The following CAST variants were observed in gnomAD, a reference collection of about 807,000 sequenced individuals.
CAST encodes the protein calpastatin.
A neutral mutation model predicts 119.6 loss-of-function variants in CAST; 76 were observed. That is an observed-to-expected ratio of 0.64 (90% CI 0.53 to 0.77). CAST has a LOEUF of 0.77. Among genes scored for constraint, CAST ranks in the 30% least tolerant of loss-of-function variants. The pLI is 0.00. For missense variants in CAST, 953 were observed against 946.5 expected (o/e 1.01, Z -0.09); for synonymous variants, 319 against 331.6 (o/e 0.96, Z 0.41).
rs1773122555 is a variant in CAST at position 96,773,301 on chromosome 5, G to GA, written c.*687dup. 6.5e-6 allele frequency: 1 copy of GA among 153,388 alleles called. No homozygotes were observed. Among genetic ancestry groups the GA allele is most frequent in the African/African-American group, 2.4e-5 (1 of 41,436 alleles). The allele number at this position is 153,388 out of a possible 1,614,324, so 9.5% of individuals were successfully genotyped here. On this transcript the variant is annotated 3_prime_UTR_variant, in exon 32 of 32. Transcript: ENST00000675179. ...ACTTCTGCATCTTACAGTCAGCACA[G>GA]AACACACTGAGACTTGAATCAAGTC...
At chr5:96,475,912 G>C in the CAST span, among the ~76,000 whole-genome samples, 1 of 152,196 alleles carries the variant, frequency 6.6e-6, no homozygotes, top group African/African-American at 2.4e-5. Flanking sequence ...TCACAGAAGA[G>C]AGAAATGGGG....
the CAST span, among the ~76,000 whole-genome samples, chr5:96,121,651 A>G: frequency 8.8e-4 from 134 of 152,290 alleles, no homozygotes; most frequent in Middle Eastern, 3.4e-3. Flanking sequence ...TGCAAGTTCA[A>G]TTGAAGTGTA....
At chr5:96,465,123 T>A in the CAST span, among the ~76,000 whole-genome samples, 1 of 152,174 alleles carries the variant, frequency 6.6e-6, no homozygotes, top group South Asian at 2.1e-4. Flanking sequence ...GTCTGGCATA[T>A]CTTTTGGCAG....
rs375045946 is a variant in CAST at position 96,741,475 on chromosome 5, T to G, written c.1012-19T>G. 3.1e-5 allele frequency: 49 copies of G among 1,590,952 alleles called. No homozygotes were observed. The highest frequency in any genetic ancestry group is 4.1e-5 in the Non-Finnish European group (48 of 1,159,864). On this transcript the variant is annotated intron_variant, in intron 14 of 31. Coordinates refer to ENST00000675179, the MANE Select transcript of CAST (RefSeq NM_001750.7). ...CTTTCCTCATCTGTAAGTCTAATCT[T>G]TTGTATTTTGTTTTTCAGGAATCTA...
At chr5:96,716,868 G>A (rs1267427235) in intron 3 of CAST, among the ~76,000 whole-genome samples, 1 of 152,110 alleles carries the variant, frequency 6.6e-6, no homozygotes, top group Non-Finnish European at 1.5e-5. Flanking sequence ...ACCCTGTAGG[G>A]TGCATGGTAT....
chr5:96,129,082 A>G, the CAST span, among the ~76,000 whole-genome samples: 4 of 152,136 alleles, frequency 2.6e-5, no homozygotes, highest in African/African-American at 9.6e-5. Flanking sequence ...ACCTAGCAAT[A>G]GAGACCATGT....
At chr5:95,988,019 A>G in the CAST span, among the ~76,000 whole-genome samples, 3 of 152,198 alleles carry the variant, frequency 2.0e-5, no homozygotes, top group South Asian at 4.1e-4. Flanking sequence ...ATCCAAGTTT[A>G]TTAAGGGAAA....
the CAST span, among the ~76,000 whole-genome samples, chr5:96,156,642 A>G: frequency 6.6e-6 from 1 of 152,242 alleles, no homozygotes; most frequent in Non-Finnish European, 1.5e-5. Flanking sequence ...ATAATTAAGC[A>G]TGTTGGCATT....
At chr5:96,546,462 A>T (rs1746019690) in intron 1 of CAST, 1 of 152,204 alleles carries the variant, frequency 6.6e-6, no homozygotes, top group Non-Finnish European at 1.5e-5. Context: ...CAGAACACAT[A>T]GTTACCTGAC....
Position 96,757,228 on chromosome 5 carries a change from C to T in CAST, c.1711-216C>T, listed in dbSNP as rs73138677. ...CATACCTCATCCAGTGTGCAGCCCC[C>T]GTGACTCAGGAATGCCTGGTGCTTG... On this transcript the variant is annotated intron_variant, in intron 22 of 31. Coordinates refer to ENST00000675179, the MANE Select transcript of CAST (RefSeq NM_001750.7). 6.3e-3 allele frequency among the ~76,000 whole-genome samples: 955 copies of T among 152,286 alleles called. 11 individuals are homozygous for T. Among genetic ancestry groups the T allele is most frequent in the African/African-American group, 0.022 (900 of 41,556 alleles).
chr5:96,610,732 C>T (rs1333421418), intron 1 of CAST, among the ~76,000 whole-genome samples: 2 of 152,118 alleles, frequency 1.3e-5, no homozygotes, highest in East Asian at 1.9e-4. Context: ...TCAAATTATT[C>T]CTGTTAATTG....
the CAST span, among the ~76,000 whole-genome samples, chr5:96,005,649 A>G: frequency 6.6e-6 from 1 of 152,226 alleles, no homozygotes; most frequent in Non-Finnish European, 1.5e-5. Flanking sequence ...ATTAAAAGTA[A>G]AAAATCAAGT....
chr5:96,626,309 T>G (rs920653728), intron 1 of CAST, among the ~76,000 whole-genome samples: 1 of 152,186 alleles, frequency 6.6e-6, no homozygotes, highest in Non-Finnish European at 1.5e-5. Context: ...CTGCCTCTCT[T>G]ACTCCCGAGG....
At chr5:96,715,215 C>A (rs1756988611) in intron 3 of CAST, 1 of 152,104 alleles carries the variant, frequency 6.6e-6, no homozygotes, top group Non-Finnish European at 1.5e-5. Flanking sequence ...TCAGTTTCTC[C>A]CTAGTAGTCC....
At chr5:96,499,627 C>T in the CAST span, among the ~76,000 whole-genome samples, 9,111 of 152,246 alleles carry the variant, frequency 0.06, 706 homozygotes, top group East Asian at 0.28. Context: ...TATTGACTGA[C>T]TCTTCCTTTT....
At position 96,534,737 on chromosome 5, in the gene CAST, G is replaced by GAGAGAAAGAGAA. The variant is rs1370550743; in HGVS notation, c.60+4866_60+4867insGAAAGAGAAAGA. Among the ~76,000 whole-genome samples, 7 of 14,202 alleles carry GAGAGAAAGAGAA rather than the reference G, an allele frequency of 4.9e-4. 1 individual carries two copies. Among genetic ancestry groups the GAGAGAAAGAGAA allele is most frequent in the Non-Finnish European group, 9.3e-4 (6 of 6,426 alleles). 9.3% of individuals were successfully genotyped at this position (14,202 alleles called of 152,430 possible). ...AAGGAGAGAGAGAGAGAGAGAGAGAGAGAGAAAGAAAGAAAGAAAGAAAGA... is the reference window on the plus strand; with the variant it reads ...AAGGAGAGAGAGAGAGAGAGAGAGAGAGAGAAAGAGAAAGAGAAAGAAAGAAAGAAAGAAAGA... On this transcript the variant is annotated intron_variant, in intron 1 of 11. Coordinates refer to the CAST transcript ENST00000505143.
At chr5:96,415,845 A>G in the CAST span, among the ~76,000 whole-genome samples, 42,180 of 151,906 alleles carry the variant, frequency 0.28, 5,938 homozygotes, top group South Asian at 0.3. Flanking sequence ...ATATTCAACT[A>G]TCCATTTTCT....
intron 3 of CAST, among the ~76,000 whole-genome samples, chr5:96,715,877 A>G (rs1561512570): frequency 6.6e-6 from 1 of 152,242 alleles, no homozygotes; most frequent in African/African-American, 2.4e-5. Context: ...CTAGCACAAC[A>G]CCATATTCTG....
At chr5:96,720,263 G>T (rs552047466) in intron 3 of CAST, among the ~76,000 whole-genome samples, 15 of 152,214 alleles carry the variant, frequency 9.9e-5, no homozygotes, top group African/African-American at 3.6e-4. Context: ...TATCACTAAG[G>T]TGCTTTCTCT....
Sources: allele counts gnomAD v4.1 joint callset (sites outside exome capture counted in the v4.1 genomes callset), GRCh38; gene constraint gnomAD v4.1.1; transcripts MANE v1.5; gene names NCBI Gene and HGNC (gene_info 2026-07-23, HGNC 2026-07-21).